Variants in ENY2 observed in about 807,000 individuals in gnomAD.
The protein encoded by ENY2 is transcription and mRNA export factor ENY2.
Under a neutral mutation model 15.9 loss-of-function variants are expected in ENY2, and 4 were observed. That is an observed-to-expected ratio of 0.25 (90% confidence interval 0.12 to 0.57). ENY2 has a LOEUF of 0.57. Among genes scored for constraint, ENY2 ranks in the 20% least tolerant of loss-of-function variants. The probability of loss-of-function intolerance (pLI) is 0.91; values close to 1 mark genes in which losing one functional copy is unlikely to be tolerated. For missense variants in ENY2, 54 were observed against 117.2 expected, an observed-to-expected ratio of 0.46 and a Z score of 2.49; for synonymous variants, 48 against 38.0, an observed-to-expected ratio of 1.26 and a Z score of -0.97.
chr8:109,339,340 C>T lies in ENY2; in HGVS notation c.104C>T (p.Ala35Val). 1 of 1,613,842 alleles carries T rather than the reference C, an allele frequency of 6.2e-7. No individual in the cohort carries two copies. The highest frequency in any genetic ancestry group is 8.5e-7 in the Non-Finnish European group (1 of 1,179,870). ...ERERLKELLR[A>V]KLIECGWKDQ... ...AACAGCCTCAAAGAGTTGCTGAGAG[C>T]TAAATTAATTGAATGTGGCTGGAAG... Residue 35 changes from alanine to valine, a missense_variant, in exon 3 of 5, where the codon GCT (alanine) becomes GTT (valine). Ala to Val is a moderately conservative substitution (Grantham distance 64). Transcript: ENST00000521688.
At chr8:109,340,063 G>A (rs1816082037) in intron 3 of ENY2, among the ~76,000 whole-genome samples, 1 of 152,066 alleles carries the variant, frequency 6.6e-6, no homozygotes, top group South Asian at 2.1e-4. Context: ...ACTCAGGGCT[G>A]GATGACTTAT....
chr8:109,343,558 A>C lies in ENY2; in HGVS notation c.*77A>C. On this transcript the variant is annotated 3_prime_UTR_variant, in exon 5 of 5. Transcript: ENST00000521688. ...CATAAATTAGAAAACAATTTCCCAA[A>C]ATAAAATCCTTTTTTGTATGATGGT... The C allele has an allele frequency of 2.2e-6, 3 of 1,358,992 alleles. No homozygotes were observed. Among genetic ancestry groups the C allele is most frequent in the Non-Finnish European group, 3.1e-6 (3 of 971,042 alleles). 84.2% of individuals were successfully genotyped at this position (1,358,992 alleles called of 1,614,324 possible). A position where few individuals can be genotyped will look rare whatever the true frequency, so the allele number is the denominator to read the frequency against.
intron 4 of ENY2, 36 bp downstream of exon 4, chr8:109,340,599 G>T (rs746152020): frequency 6.2e-7 from 1 of 1,603,090 alleles, no homozygotes; most frequent in Non-Finnish European, 8.5e-7. Context: ...GAAACATGCT[G>T]CAGACATGAT....
chr8:109,334,949 G>C, intron 1 of ENY2: 5 of 146,776 alleles, frequency 3.4e-5, no homozygotes, highest in Non-Finnish European at 6.0e-5. Flanking sequence ...TCTCAAAAAA[G>C]AAAAAAAAAA....
intron 1 of ENY2, 34 bp from the exon 2 acceptor site, chr8:109,336,094 T>C: frequency 3.1e-6 from 5 of 1,604,498 alleles, no homozygotes; most frequent in South Asian, 1.1e-5. Flanking sequence ...GCTTTGTAAA[T>C]GTTCTATATC....
In ENY2 at chr8:109,344,159, C is replaced by T. The variant is rs536608343; in HGVS notation, c.*678C>T. ...AGCTTTACCCTGACATCAGGATTGC[C>T]AAATCCAATGGACTCTTGTCTATTC... On this transcript the variant is annotated 3_prime_UTR_variant, in exon 5 of 5. Transcript: ENST00000521688. 6.6e-6 allele frequency: 1 copy of T among 152,290 alleles called. No individual in the cohort carries two copies. Among genetic ancestry groups the T allele is most frequent in the East Asian group, 1.9e-4 (1 of 5,178 alleles). The allele number at this position is 152,290 out of a possible 1,614,324, so 9.4% of individuals were successfully genotyped here. A position where few individuals can be genotyped will look rare whatever the true frequency, so the allele number is the denominator to read the frequency against.
At chr8:109,339,168 A>G (rs999348730) in intron 2 of ENY2, 152 bp from the exon 3 acceptor site, 1 of 625,940 alleles carries the variant, frequency 1.6e-6, no homozygotes, top group Non-Finnish European at 2.8e-6. Flanking sequence ...AGATCAAAGA[A>G]CTATTTAGCA....
chr8:109,334,760 T>C (rs1457231473), intron 1 of ENY2: 4 of 504,380 alleles, frequency 7.9e-6, no homozygotes, highest in Non-Finnish European at 1.4e-5. Context: ...CTGAGGCCTT[T>C]AAGAATTAAG....
intron 4 of ENY2, 180 bp downstream of exon 4, chr8:109,340,743 T>C: frequency 1.6e-6 from 1 of 644,006 alleles, no homozygotes; most frequent in Non-Finnish European, 2.6e-6. Context: ...AATGAGATAC[T>C]AGGTTTCAGT....
chr8:109,338,118 T>C (rs1198560134), intron 2 of ENY2, among the ~76,000 whole-genome samples: 1 of 151,904 alleles, frequency 6.6e-6, no homozygotes, highest in Non-Finnish European at 1.5e-5. Flanking sequence ...TTATTCTGAG[T>C]AAATTGGGAA....
intron 3 of ENY2, 164 bp from the exon 4 acceptor site, chr8:109,340,325 A>C: frequency 1.1e-6 from 1 of 934,310 alleles, no homozygotes; most frequent in Admixed American, 2.8e-5. Context: ...TTAGATCTAA[A>C]GAATACTTGA....
intron 2 of ENY2, 40 bp from the exon 3 acceptor site, chr8:109,339,280 T>C (rs1176612753): frequency 1.9e-6 from 3 of 1,578,068 alleles, no homozygotes; most frequent in Admixed American, 1.7e-5. Flanking sequence ...GTCTAAGATG[T>C]TATACATTGT....
In ENY2 at chr8:109,343,439, A is replaced by C; in HGVS notation, c.264A>C (p.Leu88=). The change falls in exon 5 of 5, where the codon CTA becomes CTC. Residue 88 remains leucine (L), a synonymous_variant. Coordinates refer to ENST00000521688, the MANE Select transcript of ENY2 (RefSeq NM_020189.6). ...LVPDSVKKEL[L]QRIRTFLAQH... ...CTGACAGTGTAAAGAAGGAGCTCCT[A>C]CAAAGAATAAGAACATTCCTTGCTC... 5 of 1,612,994 alleles carry C rather than the reference A, an allele frequency of 3.1e-6. No homozygotes were observed. Among genetic ancestry groups the C allele is most frequent in the Non-Finnish European group, 4.2e-6 (5 of 1,179,592 alleles).
In ENY2 at chr8:109,340,714, G is replaced by T. The variant is rs955856788; in HGVS notation, c.229+151G>T. ...GTTAAAATTGCCTACCTGCCTCCTA[G>T]CATAGTCTGGGAGTAACAAATGAGA... On this transcript the variant is annotated intron_variant, in intron 4 of 4. Coordinates refer to ENST00000521688, the MANE Select transcript of ENY2 (RefSeq NM_020189.6). 12 of 863,302 alleles carry T rather than the reference G, an allele frequency of 1.4e-5. No homozygotes were observed. The South Asian group carries it at 2.2e-4, about 16-fold the overall frequency. The allele number at this position is 863,302 out of a possible 1,614,324, so 53.5% of individuals were successfully genotyped here.
At chr8:109,340,318 G>T (rs1398899282) in intron 3 of ENY2, 171 bp from the exon 4 acceptor site, 1 of 856,842 alleles carries the variant, frequency 1.2e-6, no homozygotes, top group Admixed American at 2.9e-5. Context: ...TTATCTTTTA[G>T]ATCTAAAGAA....
intron 2 of ENY2, among the ~76,000 whole-genome samples, chr8:109,336,975 A>C (rs918657017): frequency 2.6e-5 from 4 of 151,764 alleles, no homozygotes; most frequent in African/African-American, 4.8e-5. Context: ...GAATCTTTCA[A>C]CTCAACCCGG....
At position 109,334,431 on chromosome 8, in the gene ENY2, A is replaced by G. The variant is rs879935631; in HGVS notation, c.-38A>G. 20 of 1,613,754 alleles carry G rather than the reference A, an allele frequency of 1.2e-5. No individual in the cohort carries two copies. The highest frequency in any genetic ancestry group is 1.4e-5 in the Non-Finnish European group (17 of 1,179,936). The stretch of plus-strand genomic sequence containing the variant: ...GGTAACGGTCCTCAGCGCAAGGGTC[A>G]TTTCGTCGCTGGGAAGGGACGGCCC... On this transcript the variant is annotated 5_prime_UTR_variant, in exon 1 of 5. Transcript: ENST00000521688.
chr8:109,340,623 C>G (rs1816091757), intron 4 of ENY2, 60 bp downstream of exon 4: 1 of 1,591,308 alleles, frequency 6.3e-7, no homozygotes, highest in Admixed American at 1.8e-5. Context: ...TTTAAAATCT[C>G]TTGCTGGTTC....
chr8:109,345,326 G>A lies in ENY2; in HGVS notation c.*1845G>A, dbSNP rs1816221421. 1 of 152,180 alleles carries A rather than the reference G, an allele frequency of 6.6e-6. No homozygotes were observed. Among genetic ancestry groups the A allele is most frequent in the African/African-American group, 2.4e-5 (1 of 41,450 alleles). The allele number at this position is 152,180 out of a possible 1,614,324, so 9.4% of individuals were successfully genotyped here. ...CAAGGGAAAAAATGAAGGAACAAGT[G>A]AATGAACAGTATGGGAGTATGAGAA... is the stretch of plus-strand genomic sequence containing the variant. On this transcript the variant is annotated 3_prime_UTR_variant, in exon 5 of 5. Coordinates refer to ENST00000521688, the MANE Select transcript of ENY2 (RefSeq NM_020189.6).
Sources: gnomAD v4.1 joint callset for allele counts (sites outside exome capture counted in the v4.1 genomes callset) on GRCh38, gnomAD v4.1.1 for gene constraint, MANE v1.5 for transcripts, NCBI Gene and HGNC (gene_info 2026-07-23, HGNC 2026-07-21) for gene names.